VEPH1: variants seen among roughly 807,000 people sequenced by gnomAD.
The protein encoded by VEPH1 is ventricular zone expressed PH domain containing 1, also known as ventricular zone-expressed PH domain-containing protein homolog 1.
In VEPH1, 80 loss-of-function variants were observed where a neutral mutation model predicts 85.2. The observed-to-expected ratio is 0.94, with a 90% CI of 0.78 to 1.13. The LOEUF (loss-of-function observed/expected upper bound fraction) is 1.13. Ranked by LOEUF, VEPH1 falls within the 50% of genes most tolerant of loss-of-function variation. The pLI is 0.00. For synonymous variants in VEPH1, 297 were observed against 348.0 expected (o/e 0.85, Z 1.63); for missense variants, 955 against 980.5 (o/e 0.97, Z 0.35).
At chr3:157,467,125 A>ATGTGTGTGTG (rs57109409) in intron 3 of VEPH1, among the ~76,000 whole-genome samples, 3,111 of 145,364 alleles carry the variant, frequency 0.021, 59 homozygotes, top group Admixed American at 0.058. Flanking sequence ...GTGTGTGTGT[A>ATGTGTGTGTG]TGTGTGTGTG....
chr3:157,272,472 T>C (rs759422752), intron 12 of VEPH1, among the ~76,000 whole-genome samples: 1 of 149,168 alleles, frequency 6.7e-6, no homozygotes, highest in Non-Finnish European at 1.5e-5. Context: ...CCCTTTCTTT[T>C]TTTTTTTCAG....
chr3:157,296,466 C>T (rs1302230426), intron 11 of VEPH1, among the ~76,000 whole-genome samples: 1 of 152,220 alleles, frequency 6.6e-6, no homozygotes, highest in Non-Finnish European at 1.5e-5. Flanking sequence ...GTAGAGGAGT[C>T]TCCTTCTTTT....
chr3:157,481,069 C>T (rs1327700302), intron 2 of VEPH1, among the ~76,000 whole-genome samples: 1 of 151,926 alleles, frequency 6.6e-6, no homozygotes, highest in Non-Finnish European at 1.5e-5. Flanking sequence ...AGCATTTTTT[C>T]ATGTTTGTCA....
In VEPH1 at chr3:157,464,557, G is replaced by A. The variant is rs17391713; in HGVS notation, c.355-4202C>T. Among the ~76,000 whole-genome samples, 779 of 152,304 alleles carry A rather than the reference G, an allele frequency of 5.1e-3. 6 individuals carry two copies. Among genetic ancestry groups the A allele is most frequent in the Non-Finnish European group, 8.0e-3 (546 of 68,020 alleles). On this transcript the variant is annotated intron_variant, in intron 3 of 13. Transcript: ENST00000362010. ...GCTGAGGGAACAAATTCAGCGAAGT[G>A]CAGCATAGAAATAGACTTTCTCGTG...
At chr3:157,420,616 T>G (rs16827620) in intron 5 of VEPH1, among the ~76,000 whole-genome samples, 10,931 of 152,318 alleles carry the variant, frequency 0.072, 595 homozygotes, top group South Asian at 0.22. Flanking sequence ...GTCTTCTTAA[T>G]GTTCTGCAAA....
intron 12 of VEPH1, among the ~76,000 whole-genome samples, chr3:157,272,297 C>CTT (rs1337629468): frequency 3.8e-5 from 4 of 106,570 alleles, no homozygotes; most frequent in South Asian, 3.4e-4. Flanking sequence ...TCCTTCCTTC[C>CTT]CTTCCTCTCT....
intron 9 of VEPH1, among the ~76,000 whole-genome samples, chr3:157,337,529 GA>G (rs1044953583): frequency 1.3e-5 from 2 of 152,002 alleles, no homozygotes; most frequent in Admixed American, 1.3e-4. Context: ...TTCCAACACA[GA>G]AAAAAATTCT....
chr3:157,450,586 T>TTA (rs1297722365), intron 4 of VEPH1, among the ~76,000 whole-genome samples: 1 of 146,854 alleles, frequency 6.8e-6, no homozygotes, highest in Non-Finnish European at 1.5e-5. Flanking sequence ...ATATATATAT[T>TTA]TATATATATA....
chr3:157,326,541 T>C lies in VEPH1; in HGVS notation c.1736-9340A>G, dbSNP rs535529665. Among the ~76,000 whole-genome samples, 6 of 152,340 alleles carry C rather than the reference T, an allele frequency of 3.9e-5. No homozygotes were observed. The East Asian group carries it at 9.6e-4, about 24-fold the overall frequency. ...CTATCATTCCTGAACATGGAGGATA[T>C]ACATTGTAGGACCTGTAGTATGAAG... On this transcript the variant is annotated intron_variant, in intron 9 of 13. Transcript: ENST00000362010.
At position 157,386,250 on chromosome 3, in the gene VEPH1, CAA is replaced by C. The variant is rs71302265; in HGVS notation, c.907-4876_907-4875del. On this transcript the variant is annotated intron_variant, in intron 6 of 13. Coordinates refer to ENST00000362010, the MANE Select transcript of VEPH1 (RefSeq NM_001167912.2). Reference sequence around the variant, plus strand: ...GTTACTTCAAGTAAAAATGGTTCCACAAAAAAAAAAAAAAAAAAAAAAAAGTG... The same window carrying C: ...GTTACTTCAAGTAAAAATGGTTCCACAAAAAAAAAAAAAAAAAAAAAAGTG... Among the ~76,000 whole-genome samples the C allele has an allele frequency of 1.6e-4, 6 of 38,486 alleles. No individual in the cohort carries two copies. In the South Asian group the frequency reaches 4.3e-3, roughly 28 times the overall value. 25.2% of individuals were successfully genotyped at this position (38,486 alleles called of 152,430 possible).
At chr3:157,480,500 C>T (rs566440979) in intron 2 of VEPH1, among the ~76,000 whole-genome samples, 220 of 152,088 alleles carry the variant, frequency 1.4e-3, no homozygotes, top group African/African-American at 5.1e-3. Flanking sequence ...CCCATCCTTA[C>T]GTCTATTTGT....
intron 11 of VEPH1, among the ~76,000 whole-genome samples, chr3:157,298,017 A>C (rs1346919447): frequency 6.6e-6 from 1 of 152,126 alleles, no homozygotes; most frequent in Non-Finnish European, 1.5e-5. Context: ...CTTACTGAGG[A>C]GGCCAAAAAT....
chr3:157,477,803 C>G (rs528295708), intron 2 of VEPH1, among the ~76,000 whole-genome samples: 2 of 152,270 alleles, frequency 1.3e-5, no homozygotes, highest in South Asian at 2.1e-4. Context: ...CTGACAGCAA[C>G]AGAAGCTAAT....
chr3:157,281,506 A>G (rs983076127), intron 12 of VEPH1, among the ~76,000 whole-genome samples: 3 of 151,966 alleles, frequency 2.0e-5, no homozygotes, highest in African/African-American at 7.3e-5. Context: ...TCATACTACA[A>G]TGCTAGCCAC....
chr3:157,283,355 A>G (rs548727925), intron 12 of VEPH1, among the ~76,000 whole-genome samples: 4 of 152,360 alleles, frequency 2.6e-5, no homozygotes, highest in South Asian at 4.1e-4. Context: ...AATGAAGTCA[A>G]TAATGGTGAG....
chr3:157,307,205 T>C (rs1692695020), intron 11 of VEPH1, among the ~76,000 whole-genome samples: 1 of 151,976 alleles, frequency 6.6e-6, no homozygotes, highest in Non-Finnish European at 1.5e-5. Flanking sequence ...TGACTATATA[T>C]ATATATATGT....
intron 11 of VEPH1, among the ~76,000 whole-genome samples, chr3:157,302,733 G>C (rs934312858): frequency 6.6e-6 from 1 of 152,130 alleles, no homozygotes; most frequent in Non-Finnish European, 1.5e-5. Context: ...AAACTCCTCC[G>C]TGGCTTTCCA....
rs372661755 is a variant in VEPH1 at position 157,460,314 on chromosome 3, A to G, written c.396T>C (p.Ile132=). ...TGCCTCTGTGGAGGAATTTCACTGC[A>G]ATGGGGATGGCTAATGCCATCACTG... The part of the protein sequence containing the change: ...RPPVMALAIP[I]AVKFLHRGNK... The change falls in exon 4 of 14, where the codon ATT becomes ATC. Residue 132 remains isoleucine, a synonymous_variant. Transcript: ENST00000362010. The G allele has an allele frequency of 6.2e-7, 1 of 1,614,018 alleles. No individual in the cohort carries two copies. The highest frequency in any genetic ancestry group is 1.3e-5 in the African/African-American group (1 of 74,916).
chr3:157,308,690 A>C (rs1195874047), intron 11 of VEPH1, among the ~76,000 whole-genome samples: 1 of 152,116 alleles, frequency 6.6e-6, no homozygotes, highest in East Asian at 1.9e-4. Flanking sequence ...AACTCAGTTA[A>C]AGTGCTAATT....
Sources: gnomAD v4.1 joint callset for allele counts (sites outside exome capture counted in the v4.1 genomes callset) on GRCh38, gnomAD v4.1.1 for gene constraint, MANE v1.5 for transcripts, NCBI Gene and HGNC (gene_info 2026-07-23, HGNC 2026-07-21) for gene names.